Variants in MOGAT1 observed in about 807,000 individuals in gnomAD.
The protein encoded by MOGAT1 is 2-acylglycerol O-acyltransferase 1.
In MOGAT1, 32 loss-of-function variants were observed where a neutral mutation model predicts 31.4. The observed-to-expected ratio is 1.02, with a 90% CI of 0.77 to 1.37. The LOEUF (loss-of-function observed/expected upper bound fraction) is 1.37. MOGAT1 is among the 40% of genes most tolerant of loss of function. The pLI is 0.00. For synonymous variants in MOGAT1, 145 were observed against 144.5 expected, an observed-to-expected ratio of 1.00 and a Z score of -0.03; for missense variants, 426 against 402.0, an observed-to-expected ratio of 1.06 and a Z score of -0.51.
intron 1 of MOGAT1, among the ~76,000 whole-genome samples, chr2:222,684,275 A>C (rs912014522): frequency 6.6e-6 from 1 of 151,962 alleles, no homozygotes; most frequent in African/African-American, 2.4e-5. Context: ...ATGGTAGCAC[A>C]TGCCTGTAAT....
At chr2:222,672,991 A>G (rs1574967427) in intron 1 of MOGAT1, among the ~76,000 whole-genome samples, 2 of 151,200 alleles carry the variant, frequency 1.3e-5, no homozygotes, top group African/African-American at 4.9e-5. Context: ...TCGGCTCACC[A>G]CAACCTCCGC....
intron 5 of MOGAT1, among the ~76,000 whole-genome samples, chr2:222,708,996 G>T (rs750736595): frequency 4.6e-5 from 7 of 152,150 alleles, no homozygotes; most frequent in Non-Finnish European, 8.8e-5. Context: ...CTCTAATACA[G>T]ATACTTAGCT....
intron 1 of MOGAT1, among the ~76,000 whole-genome samples, chr2:222,685,625 A>T (rs1574971659): frequency 9.4e-6 from 1 of 106,102 alleles, no homozygotes. Context: ...TTTTGAGAGG[A>T]GTCTCTCTCT....
intron 2 of MOGAT1, 144 bp downstream of exon 2, chr2:222,688,666 G>C: frequency 1.6e-6 from 1 of 639,438 alleles, no homozygotes; most frequent in South Asian, 2.4e-5. Context: ...CAAAGACTAG[G>C]TAATTTATAA....
chr2:222,685,949 G>T (rs1247021924), intron 1 of MOGAT1, among the ~76,000 whole-genome samples: 4 of 152,106 alleles, frequency 2.6e-5, no homozygotes, highest in Non-Finnish European at 5.9e-5. Context: ...AAAGAGATAT[G>T]CAGCATGTAT....
intron 1 of MOGAT1, among the ~76,000 whole-genome samples, chr2:222,679,531 C>T (rs531446780): frequency 1.6e-4 from 25 of 152,294 alleles, no homozygotes; most frequent in Non-Finnish European, 3.4e-4. Context: ...GTACATATGT[C>T]CTAAAACCAA....
intron 1 of MOGAT1, among the ~76,000 whole-genome samples, chr2:222,675,496 T>G (rs1409053284): frequency 6.6e-6 from 1 of 151,036 alleles, no homozygotes; most frequent in African/African-American, 2.4e-5. Context: ...TTTTTTTTTT[T>G]TGAGACGGAG....
At chr2:222,709,409 G>A (rs1293108078) in intron 5 of MOGAT1, among the ~76,000 whole-genome samples, 1 of 152,224 alleles carries the variant, frequency 6.6e-6, no homozygotes, top group Non-Finnish European at 1.5e-5. Context: ...GCTGTCAACT[G>A]TTCCAGAGGG....
chr2:222,690,154 C>T (rs1181984577), intron 3 of MOGAT1, among the ~76,000 whole-genome samples: 1 of 152,184 alleles, frequency 6.6e-6, no homozygotes, highest in Non-Finnish European at 1.5e-5. Context: ...ACTCAGGAGG[C>T]TGAGGTGGAA....
At chr2:222,705,941 T>G (rs1304524801) in intron 5 of MOGAT1, among the ~76,000 whole-genome samples, 4 of 152,174 alleles carry the variant, frequency 2.6e-5, no homozygotes, top group African/African-American at 9.7e-5. Context: ...TAATCTGTGT[T>G]CTGTTGCTTC....
intron 5 of MOGAT1, among the ~76,000 whole-genome samples, chr2:222,707,391 G>C (rs1225637157): frequency 6.9e-6 from 1 of 144,070 alleles, no homozygotes; most frequent in Non-Finnish European, 1.5e-5. Context: ...GAAAAGAAAA[G>C]AGAAAGAGGG....
chr2:222,686,378 C>T (rs1692668991), intron 1 of MOGAT1, among the ~76,000 whole-genome samples: 1 of 152,198 alleles, frequency 6.6e-6, no homozygotes, highest in South Asian at 2.1e-4. Flanking sequence ...GAAGGATAAT[C>T]GTTCTCCACT....
intron 5 of MOGAT1, 132 bp from the exon 6 acceptor site, chr2:222,709,604 G>T (rs1401491713): frequency 6.7e-6 from 5 of 744,332 alleles, no homozygotes; most frequent in East Asian, 5.1e-5. Flanking sequence ...CCAGTGAAAG[G>T]AAACAAGGAT....
chr2:222,681,840 T>C (rs1277983180), intron 1 of MOGAT1, among the ~76,000 whole-genome samples: 1 of 152,160 alleles, frequency 6.6e-6, no homozygotes, highest in East Asian at 1.9e-4. Context: ...GATGGAAAGA[T>C]GTACCTAGCA....
chr2:222,688,429 T>C lies in MOGAT1; in HGVS notation c.180T>C (p.Phe60=), dbSNP rs1159796308. The change falls in exon 2 of 6, where the codon TTT becomes TTC. Residue 60 remains phenylalanine, a synonymous_variant. Transcript: ENST00000446656. The part of the protein sequence containing the change: ...LYIPYLMWLY[F]DWHTPERGGR... ...TCCCTTATTTGATGTGGCTTTACTT[T>C]GACTGGCATACCCCAGAGCGAGGAG... The C allele has an allele frequency of 1.2e-6, 2 of 1,613,712 alleles. No homozygotes were observed. The highest frequency in any genetic ancestry group is 2.7e-5 in the African/African-American group (2 of 74,930).
At chr2:222,703,589 C>G (rs541953890) in intron 5 of MOGAT1, among the ~76,000 whole-genome samples, 1 of 152,048 alleles carries the variant, frequency 6.6e-6, no homozygotes, top group Non-Finnish European at 1.5e-5. Flanking sequence ...CACATGTACA[C>G]AAGCTGACAT....
At chr2:222,695,413 T>A in intron 5 of MOGAT1, 125 bp downstream of exon 5, 1 of 582,674 alleles carries the variant, frequency 1.7e-6, no homozygotes, top group Non-Finnish European at 2.9e-6. Context: ...ATCCTGTAGA[T>A]GTTATTTGAG....
chr2:222,701,174 C>A (rs974240070), intron 5 of MOGAT1, among the ~76,000 whole-genome samples: 14 of 151,978 alleles, frequency 9.2e-5, no homozygotes, highest in Non-Finnish European at 1.8e-4. Context: ...GCATGAGAAT[C>A]ACTTGAACCT....
rs143972650 is a variant in MOGAT1 at position 222,708,591 on chromosome 2, C to T, written c.854-1145C>T. On this transcript the variant is annotated intron_variant, in intron 5 of 5. Coordinates refer to ENST00000446656, the MANE Select transcript of MOGAT1 (RefSeq NM_058165.3). ...ATTTGGAAAAACACAAATGCATTCT[C>T]ATTTGTAGAAAATTTATATAACACA... Among the ~76,000 whole-genome samples the T allele has an allele frequency of 5.7e-3, 868 of 152,292 alleles. 5 individuals carry two copies. The highest frequency in any genetic ancestry group is 0.024 in the Middle Eastern group (7 of 294).
Sources: allele counts gnomAD v4.1 joint callset (sites outside exome capture counted in the v4.1 genomes callset), GRCh38; gene constraint gnomAD v4.1.1; transcripts MANE v1.5; gene names NCBI Gene and HGNC (gene_info 2026-07-23, HGNC 2026-07-21).